ADCY1: variants seen among roughly 807,000 people sequenced by gnomAD.
ADCY1 encodes adenylate cyclase 1.
ADCY1 carries 28 observed loss-of-function variants against 105.4 expected under a neutral mutation model. The ratio of observed to expected loss-of-function variants is 0.27; its 90% CI spans 0.20 to 0.36. The LOEUF is 0.36. Ranked by LOEUF, ADCY1 falls within the 10% of genes least tolerant of loss-of-function variation. The pLI is 1.00. For missense variants in ADCY1, 977 were observed against 1,434.2 expected (o/e 0.68, Z 5.15); for synonymous variants, 655 against 623.8 (o/e 1.05, Z -0.75).
chr7:45,696,323 C>A (rs1784880175), intron 14 of ADCY1, among the ~76,000 whole-genome samples: 1 of 151,666 alleles, frequency 6.6e-6, no homozygotes, highest in Non-Finnish European at 1.5e-5. Context: ...CCTGTGGTCC[C>A]AGCTCCTCGG....
intron 1 of ADCY1, among the ~76,000 whole-genome samples, chr7:45,590,734 G>A (rs1398923009): frequency 6.6e-6 from 1 of 152,100 alleles, no homozygotes; most frequent in Non-Finnish European, 1.5e-5. Context: ...TTGATGCTCA[G>A]GGTCTGGGAG....
chr7:45,609,052 G>C (rs550788511), intron 2 of ADCY1, among the ~76,000 whole-genome samples: 1 of 152,222 alleles, frequency 6.6e-6, no homozygotes, highest in Non-Finnish European at 1.5e-5. Flanking sequence ...TGCCAAATTT[G>C]TTCTCCCATT....
chr7:45,628,446 G>C (rs1318973013), intron 4 of ADCY1, among the ~76,000 whole-genome samples: 1 of 152,166 alleles, frequency 6.6e-6, no homozygotes, highest in Non-Finnish European at 1.5e-5. Context: ...ACACAGCAGG[G>C]AAAGTGTTTC....
intron 1 of ADCY1, among the ~76,000 whole-genome samples, chr7:45,588,867 GTA>G (rs958283457): frequency 2.9e-5 from 4 of 136,862 alleles, no homozygotes; most frequent in African/African-American, 7.8e-5. Context: ...ATCATTGCGT[GTA>G]TGTGTGTGTG....
In ADCY1 at chr7:45,708,410, G is replaced by C. The variant is rs1785164697; in HGVS notation, c.2878G>C (p.Asp960His). ...TLADFAIEMF[D>H]VLDEINYQSY... ...GGCGGACTTTGCCATTGAGATGTTTGACGTTCTGGATGAAATCAACTACCA... is the reference window on the plus strand; with the variant it reads ...GGCGGACTTTGCCATTGAGATGTTTCACGTTCTGGATGAAATCAACTACCA... Residue 960 changes from aspartate (D) to histidine (H), a missense_variant, in exon 18 of 20, where the codon GAC (aspartate) becomes CAC (histidine). Around this residue, in one of 7 missense-constraint regions of ADCY1, gnomAD observed 152 missense variants for 293.7 expected, o/e 0.52. Coordinates refer to ENST00000297323, the MANE Select transcript of ADCY1 (RefSeq NM_021116.4). The surrounding 1 kb of genome is among the most constrained non-coding windows in gnomAD (Gnocchi z 4.7). 1.2e-6 allele frequency: 2 copies of C among 1,614,208 alleles called. No homozygotes were observed. The highest frequency in any genetic ancestry group is 1.7e-6 in the Non-Finnish European group (2 of 1,180,028).
chr7:45,676,418 G>A (rs1338172375), intron 8 of ADCY1, among the ~76,000 whole-genome samples: 1 of 151,956 alleles, frequency 6.6e-6, no homozygotes, highest in East Asian at 1.9e-4. Context: ...TATTATGAGT[G>A]GTTTCTTTTT....
intron 14 of ADCY1, among the ~76,000 whole-genome samples, chr7:45,688,088 G>A (rs111384777): frequency 1.9e-3 from 286 of 152,346 alleles, no homozygotes; most frequent in African/African-American, 6.6e-3. Flanking sequence ...TGGGCATCAA[G>A]CCATGCAGTT....
chr7:45,692,303 A>T (rs373922298), intron 14 of ADCY1, among the ~76,000 whole-genome samples: 53 of 152,324 alleles, frequency 3.5e-4, no homozygotes, highest in African/African-American at 1.2e-3. Context: ...ACAGGTGCTT[A>T]TTGGGCACCA....
intron 1 of ADCY1, among the ~76,000 whole-genome samples, chr7:45,588,398 G>A (rs1255697835): frequency 6.6e-6 from 1 of 152,206 alleles, no homozygotes; most frequent in Non-Finnish European, 1.5e-5. Context: ...TTTTATTAAA[G>A]ACCATTACCT....
At chr7:45,693,540 A>G (rs961516033) in intron 14 of ADCY1, among the ~76,000 whole-genome samples, 2 of 149,434 alleles carry the variant, frequency 1.3e-5, no homozygotes, top group Non-Finnish European at 3.0e-5. Flanking sequence ...CAGAGATTCA[A>G]CTTCTTCCTG....
intron 2 of ADCY1, among the ~76,000 whole-genome samples, chr7:45,606,298 C>T (rs1053422763): frequency 6.6e-6 from 1 of 152,028 alleles, no homozygotes; most frequent in Non-Finnish European, 1.5e-5. Context: ...GAGGTCTGGC[C>T]TCTCTACTTG....
rs115212398 is a variant in ADCY1 at position 45,612,291 on chromosome 7, A to G, written c.908+1794A>G. The stretch of plus-strand genomic sequence containing the variant: ...ATACTTGGTTCTGTTTAATATCATC[A>G]TGCTTCTGTGAACTGCTGGCATTGT... On this transcript the variant is annotated intron_variant, in intron 3 of 19. Transcript: ENST00000297323. 6.2e-3 allele frequency among the ~76,000 whole-genome samples: 938 copies of G among 152,322 alleles called. 11 individuals are homozygous for G. Among genetic ancestry groups the G allele is most frequent in the African/African-American group, 0.022 (902 of 41,576 alleles).
intron 2 of ADCY1, among the ~76,000 whole-genome samples, chr7:45,597,270 G>T (rs556769018): frequency 4.6e-5 from 7 of 152,304 alleles, no homozygotes; most frequent in Admixed American, 4.6e-4. Flanking sequence ...CCCTTGCTTC[G>T]AGCCTCCTGG....
At chr7:45,672,890 A>G (rs557805413) in intron 8 of ADCY1, among the ~76,000 whole-genome samples, 2 of 152,282 alleles carry the variant, frequency 1.3e-5, no homozygotes, top group Non-Finnish European at 2.9e-5. Context: ...TATCCAGAGC[A>G]TAGAAGGAAC....
chr7:45,626,014 A>G (rs1794052798), intron 4 of ADCY1, among the ~76,000 whole-genome samples: 2 of 152,188 alleles, frequency 1.3e-5, no homozygotes, highest in South Asian at 2.1e-4. Context: ...AGAACCAGCT[A>G]CTTCCTAGAG....
intron 1 of ADCY1, among the ~76,000 whole-genome samples, 177 bp from the exon 2 acceptor site, chr7:45,592,582 C>G (rs575753290): frequency 6.6e-6 from 1 of 152,212 alleles, no homozygotes; most frequent in Non-Finnish European, 1.5e-5. Context: ...GCCGCCCGGA[C>G]AGGGTGAGGA....
At chr7:45,604,579 T>C (rs764818795) in intron 2 of ADCY1, among the ~76,000 whole-genome samples, 10 of 152,236 alleles carry the variant, frequency 6.6e-5, no homozygotes, top group African/African-American at 1.2e-4. Flanking sequence ...TTGAAAAGAC[T>C]ACCCTTCCTC....
rs148387983 is a variant in ADCY1 at position 45,637,814 on chromosome 7, G to T, written c.1021-10856G>T. 3.1e-3 allele frequency among the ~76,000 whole-genome samples: 475 copies of T among 152,320 alleles called. 5 individuals are homozygous for T. The highest frequency in any genetic ancestry group is 0.011 in the African/African-American group (439 of 41,572). On this transcript the variant is annotated intron_variant, in intron 4 of 19. Transcript: ENST00000297323. ...TCTTTCAGTTTTCGTACTTCAGAAA[G>T]ACTCTATTTTGCCTAAATTTTTTAA...
intron 2 of ADCY1, among the ~76,000 whole-genome samples, chr7:45,598,461 T>A (rs1463627429): frequency 6.6e-6 from 1 of 152,154 alleles, no homozygotes; most frequent in Non-Finnish European, 1.5e-5. Context: ...TTAAAGAGAC[T>A]GATCAAGAAG....
Sources: gnomAD v4.1 joint callset for allele counts (sites outside exome capture counted in the v4.1 genomes callset) on GRCh38, gnomAD v4.1.1 for gene constraint, gnomAD v4.1.1 regional missense constraint, Gnocchi (gnomAD v3.1) non-coding constraint, MANE v1.5 for transcripts, NCBI Gene and HGNC (gene_info 2026-07-23, HGNC 2026-07-21) for gene names.